DGKI: variants seen among roughly 807,000 people sequenced by gnomAD.
The protein encoded by DGKI is DAG kinase iota.
Under a neutral mutation model 147.5 loss-of-function variants are expected in DGKI, and 55 were observed. The observed-to-expected ratio is 0.37, with a 90% CI of 0.30 to 0.47. The LOEUF is 0.47. Ranked by LOEUF, DGKI falls within the 20% of genes least tolerant of loss-of-function variation. The probability of loss-of-function intolerance (pLI) is 1.00; values close to 1 mark genes in which losing one functional copy is unlikely to be tolerated. For missense variants in DGKI, 1,007 were observed against 1,323.8 expected (o/e 0.76, Z 3.71); for synonymous variants, 469 against 477.1 (o/e 0.98, Z 0.22).
chr7:137,657,584 A>T lies in DGKI; in HGVS notation c.607-1044T>A, dbSNP rs553729700. ...ACTGGAAGGAGGATTTGTATGAATA[A>T]TTTCTGTGTTTGAGCCTGAAAGAAA... On this transcript the variant is annotated intron_variant, in intron 3 of 32. Transcript: ENST00000614521. Among the ~76,000 whole-genome samples the T allele has an allele frequency of 1.2e-4, 19 of 152,282 alleles. No individual in the cohort carries two copies. The South Asian group carries it at 3.9e-3, about 32-fold the overall frequency.
chr7:137,560,218 A>AG (rs1818371462), intron 19 of DGKI, among the ~76,000 whole-genome samples: 1 of 152,340 alleles, frequency 6.6e-6, no homozygotes, highest in South Asian at 2.1e-4. Flanking sequence ...TGAAAGCTGC[A>AG]GAAAAAAAGA....
At chr7:137,472,356 A>ACATATAATATTTAATG (rs1438951294) in intron 23 of DGKI, among the ~76,000 whole-genome samples, 12 of 5,984 alleles carry the variant, frequency 2.0e-3, no homozygotes, top group African/African-American at 4.1e-3. Flanking sequence ...TATTATATGT[A>ACATATAATATTTAATG]TATATACATA....
chr7:137,673,875 C>A (rs1468000024), intron 3 of DGKI, among the ~76,000 whole-genome samples: 1 of 152,172 alleles, frequency 6.6e-6, no homozygotes, highest in African/African-American at 2.4e-5. Flanking sequence ...AGCCCCAGAG[C>A]ATGAGAACAG....
intron 2 of DGKI, among the ~76,000 whole-genome samples, chr7:137,686,119 TAAG>T (rs1451594131): frequency 6.6e-6 from 1 of 152,042 alleles, no homozygotes; most frequent in Non-Finnish European, 1.5e-5. Context: ...CAGCCACAAA[TAAG>T]AAAGTCAAAC....
intron 18 of DGKI, among the ~76,000 whole-genome samples, chr7:137,571,762 T>C (rs779979851): frequency 4.0e-5 from 6 of 151,432 alleles, no homozygotes; most frequent in African/African-American, 9.7e-5. Flanking sequence ...AGATGAAATA[T>C]AGATAAGAGA....
At chr7:137,599,507 A>G (rs1266628810) in intron 11 of DGKI, among the ~76,000 whole-genome samples, 1 of 152,248 alleles carries the variant, frequency 6.6e-6, no homozygotes, top group Non-Finnish European at 1.5e-5. Context: ...AAAGTTGTAC[A>G]TGAAGAAATA....
At chr7:137,616,600 C>T (rs1018228798) in intron 8 of DGKI, among the ~76,000 whole-genome samples, 1 of 151,450 alleles carries the variant, frequency 6.6e-6, no homozygotes, top group African/African-American at 2.4e-5. Flanking sequence ...TGGCTCATAA[C>T]AAATGTGAAG....
At position 137,509,272 on chromosome 7, in the gene DGKI, T is replaced by TA. The variant is rs550479256; in HGVS notation, c.2248+12593dup. ...ATGTTAGAAAAATCATTGGGAGTAATACGGAAGACAAATTGATGAAAAATT... is the reference window on the plus strand; with the variant it reads ...ATGTTAGAAAAATCATTGGGAGTAATAACGGAAGACAAATTGATGAAAAATT... On this transcript the variant is annotated intron_variant, in intron 21 of 32. Coordinates refer to ENST00000614521, the MANE Select transcript of DGKI (RefSeq NM_001321708.2). Among the ~76,000 whole-genome samples, 12 of 152,154 alleles carry TA rather than the reference T, an allele frequency of 7.9e-5. No individual in the cohort carries two copies. The South Asian group carries it at 2.5e-3, about 32-fold the overall frequency.
Position 137,407,968 on chromosome 7 carries a change from T to A in DGKI, c.2827A>T (p.Ser943Cys). The change falls in exon 30 of 33, where the codon AGT becomes TGT. Residue 943 changes from serine to cysteine, a missense_variant. Physicochemically the swap from Ser to Cys is moderately radical, Grantham distance 112. This residue lies in a region of DGKI where 385 missense variants were observed against 445.2 expected (regional missense o/e 0.86). Coordinates refer to ENST00000614521, the MANE Select transcript of DGKI (RefSeq NM_001321708.2). Reference protein sequence around the residue: ...KLIESYKNGGSLLIQGPDHCS... With the variant: ...KLIESYKNGGCLLIQGPDHCS... ...TGGTCTGGTCCCTGAATTAGCAGAC[T>A]GCCTCCATTTTTATAGCTTTCTATT... is the stretch of plus-strand genomic sequence containing the variant. The A allele has an allele frequency of 6.2e-7, 1 of 1,608,458 alleles. No homozygotes were observed. The highest frequency in any genetic ancestry group is 8.5e-7 in the Non-Finnish European group (1 of 1,178,912).
chr7:137,778,290 AGGGT>A (rs1796418618), intron 1 of DGKI, among the ~76,000 whole-genome samples: 1 of 152,186 alleles, frequency 6.6e-6, no homozygotes, highest in Non-Finnish European at 1.5e-5. Context: ...TTTTAAGGGA[AGGGT>A]GTGTCTAGGA....
rs1015508192 is a variant in DGKI at position 137,431,954 on chromosome 7, G to A, written c.2761+12123C>T. On this transcript the variant is annotated intron_variant, in intron 28 of 32. Transcript: ENST00000614521. ...TGTAATCCCCAGTGATGGAGGAGGGGTCTGATGGGAGGTGATTGGATCATG... is the reference window on the plus strand; with the variant it reads ...TGTAATCCCCAGTGATGGAGGAGGGATCTGATGGGAGGTGATTGGATCATG... 9.2e-5 allele frequency among the ~76,000 whole-genome samples: 14 copies of A among 152,350 alleles called. No individual in the cohort carries two copies. In the East Asian group the frequency reaches 2.3e-3, roughly 25 times the overall value.
chr7:137,416,948 T>C (rs1405520614), intron 28 of DGKI, among the ~76,000 whole-genome samples: 1 of 152,170 alleles, frequency 6.6e-6, no homozygotes, highest in Non-Finnish European at 1.5e-5. Context: ...ATGCAAACAT[T>C]ATTAGAAACA....
chr7:137,466,967 C>T, intron 24 of DGKI, 25 bp from the exon 25 acceptor site: 1 of 1,613,128 alleles, frequency 6.2e-7, no homozygotes, highest in Non-Finnish European at 8.5e-7. Flanking sequence ...ATGCAGATGG[C>T]ATTCAGAATG....
intron 20 of DGKI, among the ~76,000 whole-genome samples, chr7:137,541,619 A>G (rs1044306669): frequency 2.0e-5 from 3 of 152,200 alleles, no homozygotes; most frequent in Admixed American, 6.5e-5. Flanking sequence ...TGTATATCCA[A>G]TTGATTTTTG....
chr7:137,817,815 A>T (rs1797783518), intron 1 of DGKI, among the ~76,000 whole-genome samples: 1 of 152,154 alleles, frequency 6.6e-6, no homozygotes, highest in African/African-American at 2.4e-5. Context: ...TGCCTTTCTT[A>T]CCCGTTCTTA....
intron 27 of DGKI, among the ~76,000 whole-genome samples, chr7:137,462,141 T>C (rs1302441332): frequency 1.3e-5 from 2 of 152,070 alleles, no homozygotes; most frequent in Non-Finnish European, 2.9e-5. Context: ...GTTTACTGAG[T>C]TTTTACTCAG....
chr7:137,623,515 C>T lies in DGKI; in HGVS notation c.844G>A (p.Val282Met). The change falls in exon 7 of 33, where the codon GTG becomes ATG. Residue 282 changes from valine to methionine, a missense_variant. Val to Met is a conservative substitution (Grantham distance 21). Coordinates refer to ENST00000614521, the MANE Select transcript of DGKI (RefSeq NM_001321708.2). Reference sequence around the variant, plus strand: ...TTGCACCAGGAACAGCTGATAGCCACAATCTCTTTACTGTGGAAGGAGAAC... The same window carrying T: ...TTGCACCAGGAACAGCTGATAGCCATAATCTCTTTACTGTGGAAGGAGAAC... Reference protein sequence around the residue: ...QKFSFHSKEIVAISCSWCKQA... With the variant: ...QKFSFHSKEIMAISCSWCKQA... The T allele has an allele frequency of 6.2e-7, 1 of 1,614,094 alleles. No individual in the cohort carries two copies. Among genetic ancestry groups the T allele is most frequent in the Non-Finnish European group, 8.5e-7 (1 of 1,179,944 alleles).
Position 137,382,374 on chromosome 7 carries a change from C to T in DGKI, c.*8846G>A, listed in dbSNP as rs1005830428. ...TTTCAAACTTTATCAGGGACCAGAA[C>T]AAGTTTGTGGACAGGCATAATGTAT... On this transcript the variant is annotated 3_prime_UTR_variant, in exon 33 of 33. Coordinates refer to ENST00000614521, the MANE Select transcript of DGKI (RefSeq NM_001321708.2). 2 of 151,920 alleles carry T rather than the reference C, an allele frequency of 1.3e-5. No homozygotes were observed. The highest frequency in any genetic ancestry group is 2.4e-5 in the African/African-American group (1 of 41,362). The allele number at this position is 151,920 out of a possible 1,614,324, so 9.4% of individuals were successfully genotyped here.
chr7:137,639,091 C>T (rs1444453263), intron 6 of DGKI, among the ~76,000 whole-genome samples: 2 of 151,876 alleles, frequency 1.3e-5, no homozygotes, highest in Non-Finnish European at 2.9e-5. Flanking sequence ...TCTGATTGTT[C>T]ATCTACACCT....
Sources: gnomAD v4.1 joint callset for allele counts (sites outside exome capture counted in the v4.1 genomes callset) on GRCh38, gnomAD v4.1.1 for gene constraint, gnomAD v4.1.1 regional missense constraint, MANE v1.5 for transcripts, NCBI Gene and HGNC (gene_info 2026-07-23, HGNC 2026-07-21) for gene names.